The following CNTNAP2 variants were observed in gnomAD, a reference collection of about 807,000 sequenced individuals.
CNTNAP2 encodes contactin associated protein 2, also known as contactin-associated protein-like 2.
Under a neutral mutation model 155.2 loss-of-function variants are expected in CNTNAP2, and 98 were observed. That is an observed-to-expected ratio of 0.63 (90% confidence interval 0.54 to 0.75). CNTNAP2 has a LOEUF of 0.75. Among genes scored for constraint, CNTNAP2 ranks in the 30% least tolerant of loss-of-function variants. CNTNAP2 has a pLI of 0.00. For missense variants in CNTNAP2, 1,727 were observed against 1,688.1 expected, an observed-to-expected ratio of 1.02 and a Z score of -0.40; for synonymous variants, 651 against 631.2, an observed-to-expected ratio of 1.03 and a Z score of -0.47.
chr7:147,074,921 T>G (rs914624407), intron 4 of CNTNAP2, among the ~76,000 whole-genome samples: 2 of 152,170 alleles, frequency 1.3e-5, no homozygotes, highest in African/African-American at 4.8e-5. Context: ...GCATTTTTTT[T>G]AATTAGACAA....
intron 21 of CNTNAP2, among the ~76,000 whole-genome samples, chr7:148,304,926 G>A (rs1022267648): frequency 1.3e-5 from 2 of 151,868 alleles, no homozygotes; most frequent in African/African-American, 4.8e-5. Context: ...TAATAGAGCT[G>A]TGTTTCCAGC....
chr7:147,729,019 A>C (rs1796691606), intron 13 of CNTNAP2, among the ~76,000 whole-genome samples: 1 of 148,638 alleles, frequency 6.7e-6, no homozygotes, highest in African/African-American at 2.4e-5. Flanking sequence ...TATATAATAT[A>C]TAAATATATA....
At chr7:147,483,098 TTAAAATTGTATCTAAATAAAAAA>T (rs1261377024) in intron 10 of CNTNAP2, among the ~76,000 whole-genome samples, 17 of 151,892 alleles carry the variant, frequency 1.1e-4, no homozygotes, top group Admixed American at 2.0e-4. Context: ...AAGAAAAATA[TTAAAATTGTATCTAAATAAAAAA>T]TACTTTTAAA....
intron 10 of CNTNAP2, among the ~76,000 whole-genome samples, chr7:147,424,682 C>T (rs1049197544): frequency 6.6e-6 from 1 of 152,168 alleles, no homozygotes; most frequent in Non-Finnish European, 1.5e-5. Context: ...TTAGACCTTA[C>T]ACACAACTGC....
chr7:146,893,499 A>AG (rs1795820368), intron 3 of CNTNAP2, among the ~76,000 whole-genome samples: 2 of 150,632 alleles, frequency 1.3e-5, no homozygotes, highest in Non-Finnish European at 3.0e-5. Flanking sequence ...AGAGAGAGAG[A>AG]AATATTTTGT....
chr7:146,255,841 A>T (rs538147439), intron 1 of CNTNAP2, among the ~76,000 whole-genome samples: 6 of 152,188 alleles, frequency 3.9e-5, no homozygotes, highest in Non-Finnish European at 8.8e-5. Context: ...TGTGATGACA[A>T]GATCCTGGAA....
chr7:148,187,699 G>A (rs896134487), intron 18 of CNTNAP2, among the ~76,000 whole-genome samples: 6 of 152,070 alleles, frequency 3.9e-5, no homozygotes, highest in Non-Finnish European at 5.9e-5. Flanking sequence ...GCTTCCGGCC[G>A]CTCAAGCTAC....
chr7:146,131,884 T>C (rs1797719645), intron 1 of CNTNAP2, among the ~76,000 whole-genome samples: 1 of 152,084 alleles, frequency 6.6e-6, no homozygotes, highest in Non-Finnish European at 1.5e-5. Flanking sequence ...CTCAATCTGA[T>C]GGTGTTAAAA....
At chr7:146,457,993 A>G (rs987228653) in intron 1 of CNTNAP2, among the ~76,000 whole-genome samples, 2 of 152,146 alleles carry the variant, frequency 1.3e-5, no homozygotes, top group Non-Finnish European at 2.9e-5. Context: ...ACCAAATCAT[A>G]TCCTTTGCAG....
At chr7:146,885,938 T>A (rs1454886231) in intron 3 of CNTNAP2, among the ~76,000 whole-genome samples, 2 of 85,574 alleles carry the variant, frequency 2.3e-5, no homozygotes, top group Non-Finnish European at 5.2e-5. Flanking sequence ...GGTGTGTGTG[T>A]GTGTGTGTGT....
At chr7:146,304,693 G>T (rs1211875313) in intron 1 of CNTNAP2, among the ~76,000 whole-genome samples, 1 of 152,068 alleles carries the variant, frequency 6.6e-6, no homozygotes, top group Non-Finnish European at 1.5e-5. Flanking sequence ...CTCTCTGGCT[G>T]CCCTTAACAT....
intron 4 of CNTNAP2, among the ~76,000 whole-genome samples, chr7:147,106,276 C>T (rs887364698): frequency 6.6e-6 from 1 of 152,036 alleles, no homozygotes; most frequent in Non-Finnish European, 1.5e-5. Context: ...TTCTTTTATT[C>T]ACTTTTCAAG....
intron 13 of CNTNAP2, among the ~76,000 whole-genome samples, chr7:147,706,887 ATTCT>A (rs200715061): frequency 0.017 from 2,510 of 152,078 alleles, 222 homozygotes; most frequent in Admixed American, 0.15. Flanking sequence ...AAGTTCGGAA[ATTCT>A]TTCTTCTCTT....
At chr7:147,972,296 C>T (rs1563153468) in intron 14 of CNTNAP2, among the ~76,000 whole-genome samples, 1 of 152,146 alleles carries the variant, frequency 6.6e-6, no homozygotes, top group Non-Finnish European at 1.5e-5. Context: ...TGAAACTTCA[C>T]AAAAGAGAAG....
chr7:147,493,190 C>T (rs1377194327), intron 11 of CNTNAP2, among the ~76,000 whole-genome samples: 1 of 152,136 alleles, frequency 6.6e-6, no homozygotes, highest in African/African-American at 2.4e-5. Flanking sequence ...CATAGGATAT[C>T]TCAGTATTTC....
intron 1 of CNTNAP2, among the ~76,000 whole-genome samples, chr7:146,419,129 A>G (rs1795976473): frequency 6.6e-6 from 1 of 152,150 alleles, no homozygotes; most frequent in Non-Finnish European, 1.5e-5. Context: ...AGGGTTCCAC[A>G]TGGCTAGGAA....
At chr7:147,508,360 T>C (rs1544015) in intron 11 of CNTNAP2, among the ~76,000 whole-genome samples, 1 of 151,944 alleles carries the variant, frequency 6.6e-6, no homozygotes, top group African/African-American at 2.4e-5. Flanking sequence ...GCCAGTAATC[T>C]AGCCACATCT....
intron 9 of CNTNAP2, among the ~76,000 whole-genome samples, chr7:147,308,925 G>A (rs1177113577): frequency 6.6e-6 from 1 of 152,096 alleles, no homozygotes; most frequent in Admixed American, 6.6e-5. Context: ...CTCTAATTTG[G>A]GGACCTTGCC....
intron 1 of CNTNAP2, among the ~76,000 whole-genome samples, chr7:146,286,009 T>C (rs1298845877): frequency 9.8e-6 from 1 of 102,114 alleles, no homozygotes; most frequent in Non-Finnish European, 1.9e-5. Flanking sequence ...TGTGTGTGTG[T>C]GTGTGTGTGT....
Sources: gnomAD v4.1 joint callset for allele counts (sites outside exome capture counted in the v4.1 genomes callset) on GRCh38, gnomAD v4.1.1 for gene constraint, MANE v1.5 for transcripts, NCBI Gene and HGNC (gene_info 2026-07-23, HGNC 2026-07-21) for gene names.